The following RNF144A variants were observed in gnomAD, a reference collection of about 807,000 sequenced individuals.
The protein encoded by RNF144A is ring finger protein 144A, also known as E3 ubiquitin-protein ligase RNF144A.
RNF144A carries 11 observed loss-of-function variants against 38.7 expected under a neutral mutation model. That is an observed-to-expected ratio of 0.28 (90% confidence interval 0.18 to 0.47). The LOEUF (loss-of-function observed/expected upper bound fraction) is 0.47, where lower values mean the gene tolerates loss of function less well. RNF144A is among the 20% of genes least tolerant of loss of function. The probability of loss-of-function intolerance (pLI) is 0.99; values close to 1 mark genes in which losing one functional copy is unlikely to be tolerated. For synonymous variants in RNF144A, 149 were observed against 143.9 expected (o/e 1.04, Z -0.25); for missense variants, 316 against 377.2 (o/e 0.84, Z 1.34).
chr2:7,074,557 GC>G, the RNF144A span: 1 of 152,066 alleles, frequency 6.6e-6, no homozygotes, highest in African/African-American at 2.4e-5. Flanking sequence ...ATTTTCCTGG[GC>G]CCTTAAAAGA....
intron 1 of RNF144A, chr2:6,933,111 T>C (rs1665309232): frequency 6.6e-6 from 1 of 152,286 alleles, no homozygotes; most frequent in Admixed American, 6.5e-5. Context: ...TTTGAAATAC[T>C]AACTTGCAAG....
chr2:6,961,319 T>G (rs1306661017), intron 2 of RNF144A, among the ~76,000 whole-genome samples: 2 of 152,116 alleles, frequency 1.3e-5, no homozygotes, highest in African/African-American at 4.8e-5. Flanking sequence ...TACGACAATA[T>G]GACCAGGAAA....
chr2:6,981,901 G>A (rs1006662703), intron 2 of RNF144A, among the ~76,000 whole-genome samples: 1 of 152,234 alleles, frequency 6.6e-6, no homozygotes. Context: ...TTGATTCACA[G>A]TTCCCCATGA....
intron 6 of RNF144A, among the ~76,000 whole-genome samples, chr2:7,021,040 A>C (rs563695483): frequency 6.6e-6 from 1 of 152,244 alleles, no homozygotes; most frequent in Non-Finnish European, 1.5e-5. Flanking sequence ...AGGTGATCTG[A>C]AATGGGGGTA....
intron 5 of RNF144A, among the ~76,000 whole-genome samples, chr2:7,017,204 C>A (rs920276897): frequency 1.3e-5 from 2 of 152,198 alleles, no homozygotes; most frequent in Non-Finnish European, 2.9e-5. Context: ...GGAGGCTCAG[C>A]CCTCCCAGAG....
chr2:7,033,932 G>A (rs1241363874), intron 8 of RNF144A, among the ~76,000 whole-genome samples: 1 of 152,160 alleles, frequency 6.6e-6, no homozygotes, highest in Non-Finnish European at 1.5e-5. Flanking sequence ...CAGGGCTAAT[G>A]GTCCTCGTGC....
intron 1 of RNF144A, among the ~76,000 whole-genome samples, chr2:6,930,428 A>C (rs1665132764): frequency 6.6e-6 from 1 of 151,954 alleles, no homozygotes; most frequent in Non-Finnish European, 1.5e-5. Flanking sequence ...TTTTGTAAAA[A>C]ATTAATTGTA....
chr2:6,978,344 A>G (rs757283483), intron 2 of RNF144A, among the ~76,000 whole-genome samples: 1 of 152,202 alleles, frequency 6.6e-6, no homozygotes, highest in South Asian at 2.1e-4. Context: ...ACATAGTCCC[A>G]TTAGGCCCAT....
rs79686228 is a variant in RNF144A, at chr2:6,997,750, G to T, written c.135+689G>T. ...CAAGGAATGAAAAAAGAAAATGAGT[G>T]CATAGAAGCCGGAAGTAGGACGGTA... On this transcript the variant is annotated intron_variant, in intron 3 of 8. Coordinates refer to ENST00000320892, the MANE Select transcript of RNF144A (RefSeq NM_014746.6). Among the ~76,000 whole-genome samples, 526 of 152,320 alleles carry T rather than the reference G, an allele frequency of 3.5e-3. 3 individuals are homozygous for T. Among genetic ancestry groups the T allele is most frequent in the African/African-American group, 0.012 (506 of 41,576 alleles).
intron 2 of RNF144A, among the ~76,000 whole-genome samples, chr2:6,976,046 A>G (rs905004851): frequency 6.6e-6 from 1 of 152,172 alleles, no homozygotes; most frequent in African/African-American, 2.4e-5. Context: ...ACAGCCTGCT[A>G]CTTGAGTTAT....
chr2:6,965,811 G>A (rs926809472), intron 2 of RNF144A, among the ~76,000 whole-genome samples: 2 of 152,106 alleles, frequency 1.3e-5, no homozygotes, highest in East Asian at 3.9e-4. Flanking sequence ...TATGCTGTTT[G>A]TATTTGGTGA....
intron 5 of RNF144A, among the ~76,000 whole-genome samples, chr2:7,017,317 C>CTT (rs1240607581): frequency 1.3e-5 from 1 of 74,802 alleles, no homozygotes; most frequent in South Asian, 9.6e-4. Flanking sequence ...TTTTTTTGTT[C>CTT]TTTGTTTTTT....
At chr2:7,037,569 G>T (rs996508) in intron 8 of RNF144A, among the ~76,000 whole-genome samples, 5 of 152,160 alleles carry the variant, frequency 3.3e-5, no homozygotes, top group African/African-American at 7.2e-5. Flanking sequence ...ACAAATGAAC[G>T]TAGCCAGCTG....
intron 2 of RNF144A, among the ~76,000 whole-genome samples, chr2:6,992,932 A>G (rs1669486801): frequency 6.6e-6 from 1 of 152,226 alleles, no homozygotes; most frequent in Non-Finnish European, 1.5e-5. Context: ...CTTATAATTG[A>G]CCAGATGTTC....
chr2:6,974,530 G>A (rs1207051879), intron 2 of RNF144A, among the ~76,000 whole-genome samples: 1 of 151,760 alleles, frequency 6.6e-6, no homozygotes, highest in Non-Finnish European at 1.5e-5. Flanking sequence ...TATTATTAGT[G>A]CATAATTCTT....
chr2:7,062,457 A>AAT (rs1445324409), intron 6 of RNF144A, among the ~76,000 whole-genome samples: 1 of 150,220 alleles, frequency 6.7e-6, no homozygotes, highest in Non-Finnish European at 1.5e-5. Context: ...GAGGTCATGT[A>AAT]ATCAAGTACA....
At chr2:7,044,970 A>G (rs1217093605), downstream of RNF144A, among the ~76,000 whole-genome samples, 2 of 152,242 alleles carry the variant, frequency 1.3e-5, no homozygotes, top group African/African-American at 2.4e-5. Context: ...AGAAGGTGGA[A>G]TAAGTTCAAT....
At chr2:7,063,227 A>G (rs1035108943) in intron 6 of RNF144A, among the ~76,000 whole-genome samples, 2 of 152,348 alleles carry the variant, frequency 1.3e-5, no homozygotes, top group Admixed American at 6.5e-5. Context: ...AGAAAAGAGG[A>G]CATATTTAAG....
chr2:6,981,327 A>G (rs1466659970), intron 2 of RNF144A, among the ~76,000 whole-genome samples: 2 of 149,590 alleles, frequency 1.3e-5, no homozygotes, highest in African/African-American at 2.5e-5. Flanking sequence ...CTAAACTTTT[A>G]TCTCTGCTTT....
Sources: allele counts gnomAD v4.1 joint callset (sites outside exome capture counted in the v4.1 genomes callset), GRCh38; gene constraint gnomAD v4.1.1; transcripts MANE v1.5; gene names NCBI Gene and HGNC (gene_info 2026-07-23, HGNC 2026-07-21).